BMF: variants seen among roughly 807,000 people sequenced by gnomAD.
BMF encodes the protein bcl-2-modifying factor.
A neutral mutation model predicts 22.0 loss-of-function variants in BMF; 10 were observed. The observed-to-expected ratio is 0.45, with a 90% CI of 0.28 to 0.77. The LOEUF (loss-of-function observed/expected upper bound fraction) is 0.77. Ranked by LOEUF, BMF falls within the 30% of genes least tolerant of loss-of-function variation. The pLI, the probability that BMF is intolerant of heterozygous loss-of-function variation, is 0.13. For missense variants in BMF, 206 were observed against 226.8 expected (o/e 0.91, Z 0.59); for synonymous variants, 87 against 88.1 (o/e 0.99, Z 0.07).
At chr15:40,098,809 G>C (rs1344064119) in intron 4 of BMF, among the ~76,000 whole-genome samples, 1 of 152,218 alleles carries the variant, frequency 6.6e-6, no homozygotes, top group Non-Finnish European at 1.5e-5. Flanking sequence ...CCTTGGTGGG[G>C]AGGGAATGAA....
intron 4 of BMF, among the ~76,000 whole-genome samples, chr15:40,094,221 C>T (rs546460622): frequency 6.6e-6 from 1 of 152,202 alleles, no homozygotes; most frequent in Non-Finnish European, 1.5e-5. Context: ...GCCACCTACT[C>T]CCTGGGCAAC....
intron 4 of BMF, among the ~76,000 whole-genome samples, chr15:40,092,475 A>ACC (rs71426367): frequency 1.4e-4 from 21 of 151,088 alleles, no homozygotes; most frequent in African/African-American, 4.9e-4. Flanking sequence ...ACACACACAC[A>ACC]CCCTTGTGCG....
At position 40,095,137 on chromosome 15, in the gene BMF, C is replaced by G. The variant is rs537812801; in HGVS notation, c.454-3249G>C. ...AACCACCCATGGGCCCATGAGCCCTCTCTGGCTACAAGCAGATACCACACA... is the reference window on the plus strand; with the variant it reads ...AACCACCCATGGGCCCATGAGCCCTGTCTGGCTACAAGCAGATACCACACA... On this transcript the variant is annotated intron_variant, in intron 4 of 4. Transcript: ENST00000354670. Among the ~76,000 whole-genome samples, 29 of 152,282 alleles carry G rather than the reference C, an allele frequency of 1.9e-4. No homozygotes were observed. In the East Asian group the frequency reaches 5.4e-3, roughly 28 times the overall value.
chr15:40,096,195 T>TG lies in BMF; in HGVS notation c.454-4308dup, dbSNP rs1171272062. 8.9e-5 allele frequency among the ~76,000 whole-genome samples: 13 copies of TG among 146,570 alleles called. No individual in the cohort carries two copies. The East Asian group carries it at 1.8e-3, about 20-fold the overall frequency. ...TTTTTTTTCTCTAAAGAGCTGGCTG[T>TG]GGTGTCTGACAAGGTTGGATTACAT... On this transcript the variant is annotated intron_variant, in intron 4 of 4. Coordinates refer to ENST00000354670, the MANE Select transcript of BMF (RefSeq NM_001003940.2).
In BMF at chr15:40,090,771, G is replaced by C. The variant is rs1480858993; in HGVS notation, c.*1016C>G. On this transcript the variant is annotated 3_prime_UTR_variant, in exon 5 of 5. Transcript: ENST00000354670. ...GGGGATAAGGGGGAAGAGGTATGTT[G>C]TTTCCAAGGAAACCAAGGGGTCTGG... 6.6e-6 allele frequency: 1 copy of C among 152,256 alleles called. No individual in the cohort carries two copies. Among genetic ancestry groups the C allele is most frequent in the Non-Finnish European group, 1.5e-5 (1 of 68,054 alleles). The allele number at this position is 152,256 out of a possible 1,614,324, so 9.4% of individuals were successfully genotyped here.
chr15:40,095,833 C>A (rs146448344), intron 4 of BMF, among the ~76,000 whole-genome samples: 3 of 152,300 alleles, frequency 2.0e-5, no homozygotes, highest in South Asian at 4.1e-4. Flanking sequence ...GAGCCCCATG[C>A]GGCTTCTTTG....
chr15:40,093,720 C>T (rs544491923), intron 4 of BMF, among the ~76,000 whole-genome samples: 3 of 152,228 alleles, frequency 2.0e-5, no homozygotes, highest in South Asian at 2.1e-4. Flanking sequence ...CTGAGAAGAC[C>T]GGTGGCAAGA....
At chr15:40,092,103 A>G (rs187636687) in intron 4 of BMF, among the ~76,000 whole-genome samples, 32 of 152,330 alleles carry the variant, frequency 2.1e-4, no homozygotes, top group Admixed American at 2.0e-3. Flanking sequence ...CAGTTTTAAC[A>G]TTAAAAAGAA....
rs781561835 is a variant in BMF, at chr15:40,091,741, T to A, written c.*46A>T. ...CAGTCCTGCCCGATGTCCTTCCTGT[T>A]CCAGACGGTGTTCCTGGTGCCCCAT... On this transcript the variant is annotated 3_prime_UTR_variant, in exon 5 of 5. Transcript: ENST00000354670. 9.2e-5 allele frequency: 128 copies of A among 1,394,778 alleles called. No individual in the cohort carries two copies. The highest frequency in any genetic ancestry group is 1.3e-4 in the Non-Finnish European group (125 of 998,284). The allele number at this position is 1,394,778 out of a possible 1,614,324, so 86.4% of individuals were successfully genotyped here. A position where few individuals can be genotyped will look rare whatever the true frequency, so the allele number is the denominator to read the frequency against.
In BMF at chr15:40,108,845, G is replaced by A. The variant is rs1228333307; in HGVS notation, c.-206C>T. ...GCGGGCACAGGCCGGGGCGGGAGGA[G>A]GCCACTCCGCACGGTGCGGTATTGT... is the stretch of plus-strand genomic sequence containing the variant. On this transcript the variant is annotated 5_prime_UTR_variant, in exon 1 of 5. Coordinates refer to ENST00000354670, the MANE Select transcript of BMF (RefSeq NM_001003940.2). 1 of 153,310 alleles carries A rather than the reference G, an allele frequency of 6.5e-6. No homozygotes were observed. The highest frequency in any genetic ancestry group is 2.4e-5 in the African/African-American group (1 of 41,444). 9.5% of individuals were successfully genotyped at this position (153,310 alleles called of 1,614,324 possible).
rs1000186331 is a variant in BMF, at chr15:40,091,333, A to C, written c.*454T>G. 2 of 154,468 alleles carry C rather than the reference A, an allele frequency of 1.3e-5. No homozygotes were observed. Among genetic ancestry groups the C allele is most frequent in the African/African-American group, 4.8e-5 (2 of 41,478 alleles). 9.6% of individuals were successfully genotyped at this position (154,468 alleles called of 1,614,324 possible). On this transcript the variant is annotated 3_prime_UTR_variant, in exon 5 of 5. Coordinates refer to ENST00000354670, the MANE Select transcript of BMF (RefSeq NM_001003940.2). The stretch of plus-strand genomic sequence containing the variant: ...CCTGCTGGGTTAAAGCAATGTGACC[A>C]TCAGGATCACGGCCCCCATCCACAG...
At chr15:40,097,214 CCCAACTGAGCTACCAAGCACCTAA>C (rs1227978295) in intron 4 of BMF, among the ~76,000 whole-genome samples, 1 of 150,460 alleles carries the variant, frequency 6.6e-6, no homozygotes, top group African/African-American at 2.4e-5. Flanking sequence ...CTACCAAGCA[CCCAACTGAGCTACCAAGCACCTAA>C]CTGAGCTACC....
At chr15:40,097,234 CCTAA>C (rs1455796105) in intron 4 of BMF, among the ~76,000 whole-genome samples, 1 of 91,478 alleles carries the variant, frequency 1.1e-5, no homozygotes, top group East Asian at 3.2e-4. Context: ...CTACCAAGCA[CCTAA>C]CTGAGCTACC....
intron 3 of BMF, among the ~76,000 whole-genome samples, chr15:40,105,404 C>A (rs2036565518): frequency 1.3e-5 from 2 of 152,178 alleles, no homozygotes; most frequent in Admixed American, 1.3e-4. Context: ...CTTTGGGAAC[C>A]CTCCCTCCCA....
At chr15:40,092,578 C>T (rs965309272) in intron 4 of BMF, among the ~76,000 whole-genome samples, 3 of 152,316 alleles carry the variant, frequency 2.0e-5, no homozygotes, top group African/African-American at 2.4e-5. Context: ...CCTCTTGGAG[C>T]GCTCTCCTAC....
intron 4 of BMF, among the ~76,000 whole-genome samples, chr15:40,100,188 T>A (rs2036447779): frequency 6.6e-6 from 1 of 152,204 alleles, no homozygotes; most frequent in South Asian, 2.1e-4. Flanking sequence ...GACAGAAGAC[T>A]CTCCCAAGGG....
intron 4 of BMF, among the ~76,000 whole-genome samples, chr15:40,092,337 C>G (rs2036254645): frequency 6.6e-6 from 1 of 152,152 alleles, no homozygotes; most frequent in Non-Finnish European, 1.5e-5. Context: ...GGGGGGGCCT[C>G]CATCTGCAAG....
rs756016648 is a variant in BMF, at chr15:40,105,803, A to G, written c.284T>C (p.Leu95Pro). The G allele has an allele frequency of 6.2e-7, 1 of 1,606,378 alleles. No homozygotes were observed. Among genetic ancestry groups the G allele is most frequent in the South Asian group, 1.1e-5 (1 of 90,148 alleles). ...AGGCTGAGAGCACTCACCATAAAAG[A>G]GTCGCTGGGGTTCCTCAGTCACCCC... ...PCGVTEEPQR[L>P]FYGNAGYRLP... The change falls in exon 3 of 5, where the codon CTC becomes CCC. Residue 95 changes from leucine to proline, a missense_variant. Coordinates refer to ENST00000354670, the MANE Select transcript of BMF (RefSeq NM_001003940.2).
At position 40,106,111 on chromosome 15, in the gene BMF, G is replaced by A. The variant is rs143072589; in HGVS notation, c.-5-20C>T. The A allele has an allele frequency of 2.5e-4, 397 of 1,562,040 alleles. No individual in the cohort carries two copies. The highest frequency in any genetic ancestry group is 3.3e-4 in the Non-Finnish European group (376 of 1,153,592). The stretch of plus-strand genomic sequence containing the variant: ...TCTCTCCTGTGAGGGGGCAACGCAG[G>A]CATCTGGGCTGCTGCCCCACCAGGG... On this transcript the variant is annotated intron_variant, in intron 2 of 4. Coordinates refer to ENST00000354670, the MANE Select transcript of BMF (RefSeq NM_001003940.2). This position sits in a 1 kb window ranked among gnomAD's most constrained non-coding sequence, Gnocchi z 4.1.
Sources: gnomAD v4.1 joint callset for allele counts (sites outside exome capture counted in the v4.1 genomes callset) on GRCh38, gnomAD v4.1.1 for gene constraint, Gnocchi (gnomAD v3.1) non-coding constraint, MANE v1.5 for transcripts, NCBI Gene and HGNC (gene_info 2026-07-23, HGNC 2026-07-21) for gene names.